CD1D: variants seen among roughly 807,000 people sequenced by gnomAD.
CD1D encodes CD1d molecule.
In CD1D, 40 loss-of-function variants were observed where a neutral mutation model predicts 42.1. That is an observed-to-expected ratio of 0.95 (90% CI 0.74 to 1.24). The LOEUF (loss-of-function observed/expected upper bound fraction) is 1.24, where lower values mean the gene tolerates loss of function less well. Among genes scored for constraint, CD1D ranks in the 50% most tolerant of loss-of-function variants. The pLI, the probability that CD1D is intolerant of heterozygous loss-of-function variation, is 0.00. For missense variants in CD1D, 437 were observed against 416.5 expected (o/e 1.05, Z -0.43); for synonymous variants, 178 against 171.8 (o/e 1.04, Z -0.28).
rs542337996 is a variant in CD1D, at chr1:158,185,065, A to G, written c.*915A>G. Among the ~76,000 whole-genome samples, 1 of 152,282 alleles carries G rather than the reference A, an allele frequency of 6.6e-6. No homozygotes were observed. The highest frequency in any genetic ancestry group is 6.5e-5 in the Admixed American group (1 of 15,302). ...TTACTTACAGCTATTAAAAGAGACA[A>G]TGTAGGGAAAGGGCCAACACCACTT... On this transcript the variant is annotated 3_prime_UTR_variant, in exon 6 of 6. Coordinates refer to ENST00000674085, the MANE Select transcript of CD1D (RefSeq NM_001371762.2).
Position 158,183,063 on chromosome 1 carries a change from G to A in CD1D, c.793G>A (p.Ala265Thr). The A allele has an allele frequency of 6.2e-7, 1 of 1,614,174 alleles. No individual in the cohort carries two copies. The highest frequency in any genetic ancestry group is 8.5e-7 in the Non-Finnish European group (1 of 1,180,006). The change falls in exon 4 of 6, where the codon GCA becomes ACA. Residue 265 changes from alanine to threonine, a missense_variant. By Grantham distance (58) the Ala-to-Thr change is moderately conservative (BLOSUM62 0). Coordinates refer to ENST00000674085, the MANE Select transcript of CD1D (RefSeq NM_001371762.2). ...PNADETWYLR[A>T]TLDVVAGEAA... ...TGCTGACGAGACATGGTATCTCCGA[G>A]CAACCCTGGATGTGGTGGCTGGGGA...
chr1:158,180,213 G>A (rs1648327096), upstream of CD1D: 1 of 152,236 alleles, frequency 6.6e-6, no homozygotes, highest in South Asian at 2.1e-4. Flanking sequence ...CTTATTTTCA[G>A]TGTGAGAAGT....
Position 158,180,935 on chromosome 1 carries a change from A to G in CD1D, c.-167A>G, listed in dbSNP as rs1648361625. 5.5e-6 allele frequency: 3 copies of G among 543,304 alleles called. No individual in the cohort carries two copies. Among genetic ancestry groups the G allele is most frequent in the Non-Finnish European group, 3.0e-6 (1 of 328,980 alleles). The allele number at this position is 543,304 out of a possible 1,614,324, so 33.7% of individuals were successfully genotyped here. On this transcript the variant is annotated 5_prime_UTR_variant, in exon 1 of 6. Coordinates refer to ENST00000674085, the MANE Select transcript of CD1D (RefSeq NM_001371762.2). ...AAGGGCGAGGGCGCCCTTCGGCAGAAGCAGCAAACCGCCGGCAAGCCCAGC... is the reference window on the plus strand; with the variant it reads ...AAGGGCGAGGGCGCCCTTCGGCAGAGGCAGCAAACCGCCGGCAAGCCCAGC...
chr1:158,182,363 T>A, intron 3 of CD1D, 53 bp downstream of exon 3: 1 of 1,599,106 alleles, frequency 6.3e-7, no homozygotes, highest in Non-Finnish European at 8.6e-7. Context: ...CCAAACGGGC[T>A]TTTCCATTCC....
At chr1:158,179,692 A>T (rs2101692354), upstream of CD1D, among the ~76,000 whole-genome samples, 3 of 152,322 alleles carry the variant, frequency 2.0e-5, 1 homozygote, top group South Asian at 6.2e-4. Context: ...TGAGAAAGTG[A>T]CCTTGGAACT....
chr1:158,184,036 G>C lies in CD1D; in HGVS notation c.986+1G>C, dbSNP rs775899867. On this transcript the variant is annotated splice_donor_variant, in intron 5 of 5. Transcript: ENST00000674085. LOFTEE classifies it high-confidence loss of function. ...TTACCTCCCGGTTTAAGAGGCAAAC[G>C]TAAGTCTCCCCTTTCCCTTTCCTCA... The C allele has an allele frequency of 6.2e-7, 1 of 1,613,938 alleles. No homozygotes were observed. The highest frequency in any genetic ancestry group is 1.1e-5 in the South Asian group (1 of 91,080).
chr1:158,183,386 A>T (rs1648550068), intron 4 of CD1D, among the ~76,000 whole-genome samples: 1 of 152,176 alleles, frequency 6.6e-6, no homozygotes, highest in African/African-American at 2.4e-5. Flanking sequence ...AAGAAACAAG[A>T]CTACAAAACT....
chr1:158,182,330 T>C lies in CD1D; in HGVS notation c.607+20T>C. ...AGCAAGGTCAGCCTGCCTTCCTTAC[T>C]CCCTGCATTCCACTTCAGGGCTCCA... On this transcript the variant is annotated intron_variant, in intron 3 of 5. Transcript: ENST00000674085. 6.2e-7 allele frequency: 1 copy of C among 1,613,782 alleles called. No individual in the cohort carries two copies. Among genetic ancestry groups the C allele is most frequent in the Non-Finnish European group, 8.5e-7 (1 of 1,179,782 alleles).
Position 158,180,985 on chromosome 1 carries a change from T to C in CD1D, c.-117T>C. ...CGAGGAGGGCTGCCGGGGTCTGGGC[T>C]TGGGAATTGGCTGGCACCCAGCGGA... On this transcript the variant is annotated 5_prime_UTR_variant, in exon 1 of 6. Coordinates refer to ENST00000674085, the MANE Select transcript of CD1D (RefSeq NM_001371762.2). 1 of 955,614 alleles carries C rather than the reference T, an allele frequency of 1.0e-6. No individual in the cohort carries two copies. Among genetic ancestry groups the C allele is most frequent in the East Asian group, 2.8e-5 (1 of 36,028 alleles). 59.2% of individuals were successfully genotyped at this position (955,614 alleles called of 1,614,324 possible).
At position 158,181,036 on chromosome 1, in the gene CD1D, G is replaced by T. The variant is rs936094261; in HGVS notation, c.-66G>T. 3 of 1,381,810 alleles carry T rather than the reference G, an allele frequency of 2.2e-6. No individual in the cohort carries two copies. The highest frequency in any genetic ancestry group is 2.9e-6 in the Non-Finnish European group (3 of 1,025,768). The allele number at this position is 1,381,810 out of a possible 1,614,324, so 85.6% of individuals were successfully genotyped here. The stretch of plus-strand genomic sequence containing the variant: ...AAGGGACGTGAGCTGAGCGGCGGGG[G>T]AGAAGAGTGCGCAGGTCAGAGGGCG... On this transcript the variant is annotated 5_prime_UTR_variant, in exon 1 of 6. Coordinates refer to ENST00000674085, the MANE Select transcript of CD1D (RefSeq NM_001371762.2).
At position 158,183,143 on chromosome 1, in the gene CD1D, C is replaced by G; in HGVS notation, c.873C>G (p.Ile291Met). ...VKHSSLEGQDIVLYWGGSYTS... is the reference protein window; with the variant it reads ...VKHSSLEGQDMVLYWGGSYTS... ...ACAGCAGTCTAGAGGGCCAGGACAT[C>G]GTCCTCTACTGGGGTGAGAAAAAGC... Residue 291 changes from isoleucine to methionine, a missense_variant, in exon 4 of 6, where the codon ATC (isoleucine) becomes ATG (methionine). By Grantham distance (10) the Ile-to-Met change is conservative (BLOSUM62 1). Transcript: ENST00000674085. 6 of 1,607,654 alleles carry G rather than the reference C, an allele frequency of 3.7e-6. No homozygotes were observed. The highest frequency in any genetic ancestry group is 5.1e-6 in the Non-Finnish European group (6 of 1,175,862).
chr1:158,180,304 G>A (rs1648331129), upstream of CD1D: 2 of 152,408 alleles, frequency 1.3e-5, no homozygotes, highest in African/African-American at 2.4e-5. Flanking sequence ...AAGTGAATGA[G>A]TCAGGAGCCA....
At position 158,181,142 on chromosome 1, in the gene CD1D, A is replaced by G. The variant is rs1648382360; in HGVS notation, c.41A>G (p.Gln14Arg). 6.5e-7 allele frequency: 1 copy of G among 1,549,146 alleles called. No homozygotes were observed. The change falls in exon 1 of 6, where the codon CAG becomes CGG. Residue 14 changes from glutamine to arginine, a missense_variant. Physicochemically the swap from Gln to Arg is conservative, Grantham distance 43. Coordinates refer to ENST00000674085, the MANE Select transcript of CD1D (RefSeq NM_001371762.2). ...TTTCTGCTGCTCTGGGCGCTCCTCC[A>G]GGCTTGGGGAAGCGCTGAAGGTGGG... ...LLFLLLWALL[Q>R]AWGSAEVPQR...
Position 158,182,905 on chromosome 1 carries a change from GC to G in CD1D, c.639del (p.Ser214ValfsTer23). ...QVKPKAWLSR[G>X]PSPGPGRLLL... ...AAGCCCAAGGCCTGGCTGTCCCGTGGCCCCAGTCCTGGCCCTGGCCGTCTGC... is the reference window on the plus strand; with the variant it reads ...AAGCCCAAGGCCTGGCTGTCCCGTGGCCCAGTCCTGGCCCTGGCCGTCTGC... On this transcript the variant is annotated frameshift_variant, in exon 4 of 6. Coordinates refer to ENST00000674085, the MANE Select transcript of CD1D (RefSeq NM_001371762.2). LOFTEE classifies it high-confidence loss of function. 1 of 1,612,164 alleles carries G rather than the reference GC, an allele frequency of 6.2e-7. No homozygotes were observed.
At chr1:158,184,086 T>C (rs751507073) in intron 5 of CD1D, 43 bp from the exon 6 acceptor site, 6 of 1,614,004 alleles carry the variant, frequency 3.7e-6, no homozygotes, top group Non-Finnish European at 8.5e-7. Flanking sequence ...CATTCCTGGC[T>C]TCCCTTTTCC....
rs544463060 is a variant in CD1D, at chr1:158,181,034, G to C, written c.-68G>C. ...GAAAGGGACGTGAGCTGAGCGGCGG[G>C]GGAGAAGAGTGCGCAGGTCAGAGGG... On this transcript the variant is annotated 5_prime_UTR_variant, in exon 1 of 6. Transcript: ENST00000674085. The C allele has an allele frequency of 1.9e-5, 26 of 1,369,020 alleles. No homozygotes were observed. The highest frequency in any genetic ancestry group is 2.4e-5 in the Non-Finnish European group (24 of 1,015,186). The allele number at this position is 1,369,020 out of a possible 1,614,324, so 84.8% of individuals were successfully genotyped here. A position where few individuals can be genotyped will look rare whatever the true frequency, so the allele number is the denominator to read the frequency against.
At chr1:158,180,718 T>A (rs542349826), upstream of CD1D, 15 of 208,328 alleles carry the variant, frequency 7.2e-5, no homozygotes, top group Admixed American at 2.9e-4. Flanking sequence ...TTTACCATGG[T>A]TGGAATTGTA....
At position 158,181,017 on chromosome 1, in the gene CD1D, C is replaced by A; in HGVS notation, c.-85C>A. The A allele has an allele frequency of 3.2e-6, 4 of 1,244,694 alleles. No individual in the cohort carries two copies. The highest frequency in any genetic ancestry group is 4.4e-6 in the Non-Finnish European group (4 of 913,216). The allele number at this position is 1,244,694 out of a possible 1,614,324, so 77.1% of individuals were successfully genotyped here. A position where few individuals can be genotyped will look rare whatever the true frequency, so the allele number is the denominator to read the frequency against. On this transcript the variant is annotated 5_prime_UTR_variant, in exon 1 of 6. Transcript: ENST00000674085. Reference sequence around the variant, plus strand: ...TTGGCTGGCACCCAGCGGAAAGGGACGTGAGCTGAGCGGCGGGGGAGAAGA... The same window carrying A: ...TTGGCTGGCACCCAGCGGAAAGGGAAGTGAGCTGAGCGGCGGGGGAGAAGA...
In CD1D at chr1:158,184,242, T is replaced by G; in HGVS notation, c.*92T>G. On this transcript the variant is annotated 3_prime_UTR_variant, in exon 6 of 6. Coordinates refer to ENST00000674085, the MANE Select transcript of CD1D (RefSeq NM_001371762.2). ...TCCTGGTCTGCTCAGGAATTGAAGATGTAAGGAATTGAAGATAGGAGAGAT... is the reference window on the plus strand; with the variant it reads ...TCCTGGTCTGCTCAGGAATTGAAGAGGTAAGGAATTGAAGATAGGAGAGAT... 1.5e-6 allele frequency: 2 copies of G among 1,322,198 alleles called. No homozygotes were observed. Among genetic ancestry groups the G allele is most frequent in the Admixed American group, 3.5e-5 (2 of 56,650 alleles). 81.9% of individuals were successfully genotyped at this position (1,322,198 alleles called of 1,614,324 possible).
Sources: allele counts gnomAD v4.1 joint callset (sites outside exome capture counted in the v4.1 genomes callset), GRCh38; gene constraint gnomAD v4.1.1; transcripts MANE v1.5; gene names NCBI Gene and HGNC (gene_info 2026-07-23, HGNC 2026-07-21).